The following MALT1 variants were observed in gnomAD, a reference collection of about 807,000 sequenced individuals.
MALT1 encodes mucosa-associated lymphoid tissue lymphoma translocation protein 1.
A neutral mutation model predicts 85.5 loss-of-function variants in MALT1; 36 were observed. The ratio of observed to expected loss-of-function variants is 0.42; its 90% CI spans 0.32 to 0.56. The LOEUF (loss-of-function observed/expected upper bound fraction) is 0.56. MALT1 is among the 20% of genes least tolerant of loss of function. The pLI is 0.10. For missense variants in MALT1, 716 were observed against 981.6 expected, an observed-to-expected ratio of 0.73 and a Z score of 3.62; for synonymous variants, 359 against 361.3, an observed-to-expected ratio of 0.99 and a Z score of 0.07.
At chr18:58,710,827 T>G (rs574455901) in intron 6 of MALT1, 94 bp from the exon 7 acceptor site, 3 of 570,778 alleles carry the variant, frequency 5.3e-6, no homozygotes, top group Non-Finnish European at 8.2e-6. Context: ...TTTGCCAACA[T>G]TATCTCTATG....
chr18:58,696,885 C>T (rs1360669524), intron 3 of MALT1, among the ~76,000 whole-genome samples: 1 of 152,190 alleles, frequency 6.6e-6, no homozygotes, highest in Non-Finnish European at 1.5e-5. Context: ...AAGAATTCCA[C>T]ATCACTGTTT....
Position 58,752,616 on chromosome 18 carries a change from C to CAAAAAAAAAA in MALT1, c.*4786_*4795dup, listed in dbSNP as rs34321301. ...CAACATGGTGAAACCCCATCTCTAC[C>CAAAAAAAAAA]AAAAAAAAAAAAAAAAAAAAAGCAA... is the stretch of plus-strand genomic sequence containing the variant. On this transcript the variant is annotated 3_prime_UTR_variant, in exon 17 of 17. Transcript: ENST00000649217. The CAAAAAAAAAA allele has an allele frequency of 9.1e-6, 1 of 109,590 alleles. No homozygotes were observed. The highest frequency in any genetic ancestry group is 3.2e-5 in the African/African-American group (1 of 31,222). 6.8% of individuals were successfully genotyped at this position (109,590 alleles called of 1,614,324 possible). A position where few individuals can be genotyped will look rare whatever the true frequency, so the allele number is the denominator to read the frequency against.
At chr18:58,738,597 A>G (rs10469213) in intron 13 of MALT1, among the ~76,000 whole-genome samples, 27,401 of 152,102 alleles carry the variant, frequency 0.18, 3,218 homozygotes, top group African/African-American at 0.33. Flanking sequence ...CCGAGTCTAC[A>G]CTTAACCCTA....
In MALT1 at chr18:58,753,922, TC is replaced by T. The variant is rs1019914787; in HGVS notation, c.*6081del. ...AATCTGAAGTAATTCCCACTTTTTTTCATGCTTGAGTTTAGTTGATAAATAG... is the reference window on the plus strand; with the variant it reads ...AATCTGAAGTAATTCCCACTTTTTTTATGCTTGAGTTTAGTTGATAAATAG... On this transcript the variant is annotated 3_prime_UTR_variant, in exon 17 of 17. Coordinates refer to ENST00000649217, the MANE Select transcript of MALT1 (RefSeq NM_006785.4). 60 of 152,366 alleles carry T rather than the reference TC, an allele frequency of 3.9e-4. 1 individual carries two copies. Among genetic ancestry groups the T allele is most frequent in the Middle Eastern group, 3.4e-3 (1 of 294 alleles). 9.4% of individuals were successfully genotyped at this position (152,366 alleles called of 1,614,324 possible). A position where few individuals can be genotyped will look rare whatever the true frequency, so the allele number is the denominator to read the frequency against.
chr18:58,691,473 T>C (rs919434315), intron 2 of MALT1: 1 of 273,646 alleles, frequency 3.7e-6, no homozygotes, highest in Non-Finnish European at 7.1e-6. Context: ...GGTGTTACAG[T>C]AGAACACCAC....
intron 8 of MALT1, among the ~76,000 whole-genome samples, chr18:58,715,157 T>C (rs538275357): frequency 6.6e-6 from 1 of 152,296 alleles, no homozygotes; most frequent in East Asian, 1.9e-4. Context: ...TGGGGGAGAA[T>C]AGGGGGTCTG....
chr18:58,715,765 G>A (rs1477301743), intron 8 of MALT1, among the ~76,000 whole-genome samples, 170 bp from the exon 9 acceptor site: 2 of 152,138 alleles, frequency 1.3e-5, no homozygotes, highest in African/African-American at 4.8e-5. Context: ...ACTTCCTATT[G>A]TGAACACCAC....
chr18:58,710,879 C>T (rs373829145), intron 6 of MALT1, 42 bp from the exon 7 acceptor site: 2 of 1,424,808 alleles, frequency 1.4e-6, no homozygotes, highest in Non-Finnish European at 9.8e-7. Context: ...TTCTTAAGAT[C>T]ATGAATTACA....
chr18:58,679,640 G>A (rs1309492449), intron 1 of MALT1, among the ~76,000 whole-genome samples: 3 of 152,086 alleles, frequency 2.0e-5, no homozygotes, highest in African/African-American at 4.8e-5. Flanking sequence ...TGCAATCTCC[G>A]CCTCCTGGGT....
chr18:58,711,411 AC>A (rs2054829335), intron 7 of MALT1, among the ~76,000 whole-genome samples: 1 of 152,168 alleles, frequency 6.6e-6, no homozygotes, highest in Non-Finnish European at 1.5e-5. Flanking sequence ...TTATTGTTTA[AC>A]ATATGTTCTA....
chr18:58,733,976 T>G (rs1314921005), intron 11 of MALT1: 5 of 1,160,968 alleles, frequency 4.3e-6, no homozygotes, highest in African/African-American at 1.6e-5. Flanking sequence ...AGCAGATGTT[T>G]GGAGGTTTGG....
intron 7 of MALT1, 71 bp downstream of exon 7, chr18:58,711,024 T>C (rs1274989121): frequency 4.4e-5 from 48 of 1,090,020 alleles, no homozygotes; most frequent in Non-Finnish European, 6.2e-5. Context: ...TGGAGTGCTT[T>C]TAGCCTACTG....
chr18:58,752,659 G>A lies in MALT1; in HGVS notation c.*4817G>A, dbSNP rs1465248454. ...AAAAGCAAAAACAAAAATTAACTGGGCATAGTTGCACACACCTGTAGTCCC... is the reference window on the plus strand; with the variant it reads ...AAAAGCAAAAACAAAAATTAACTGGACATAGTTGCACACACCTGTAGTCCC... On this transcript the variant is annotated 3_prime_UTR_variant, in exon 17 of 17. Coordinates refer to ENST00000649217, the MANE Select transcript of MALT1 (RefSeq NM_006785.4). 6.6e-6 allele frequency: 1 copy of A among 151,332 alleles called. No individual in the cohort carries two copies. The highest frequency in any genetic ancestry group is 1.5e-5 in the Non-Finnish European group (1 of 67,952). The allele number at this position is 151,332 out of a possible 1,614,324, so 9.4% of individuals were successfully genotyped here.
intron 10 of MALT1, among the ~76,000 whole-genome samples, chr18:58,725,815 C>T (rs963805223): frequency 1.3e-5 from 2 of 152,146 alleles, no homozygotes; most frequent in African/African-American, 4.8e-5. Context: ...AATCCCAGCA[C>T]TTTGGGAGGC....
chr18:58,717,746 CAAAAAA>C (rs35207196), intron 9 of MALT1, among the ~76,000 whole-genome samples: 1 of 100,568 alleles, frequency 9.9e-6, no homozygotes, highest in South Asian at 3.3e-4. Flanking sequence ...ACTCTTGTCT[CAAAAAA>C]AAAAAAAAAA....
chr18:58,752,514 C>T lies in MALT1; in HGVS notation c.*4672C>T, dbSNP rs1192200493. The T allele has an allele frequency of 6.6e-6, 1 of 151,158 alleles. No homozygotes were observed. Among genetic ancestry groups the T allele is most frequent in the African/African-American group, 2.4e-5 (1 of 41,056 alleles). 9.4% of individuals were successfully genotyped at this position (151,158 alleles called of 1,614,324 possible). The stretch of plus-strand genomic sequence containing the variant: ...CACTGAAACCCTGGGCATGGTGGCT[C>T]ACACCTGTAATCCCAGCACTTCGGG... On this transcript the variant is annotated 3_prime_UTR_variant, in exon 17 of 17. Transcript: ENST00000649217.
At chr18:58,674,053 G>T (rs144850006) in intron 1 of MALT1, 13 of 152,204 alleles carry the variant, frequency 8.5e-5, no homozygotes, top group African/African-American at 2.7e-4. Context: ...GAGTATTACG[G>T]TGCTAACGAG....
intron 10 of MALT1, among the ~76,000 whole-genome samples, chr18:58,723,761 T>C (rs2055016502): frequency 6.6e-6 from 1 of 152,224 alleles, no homozygotes; most frequent in South Asian, 2.1e-4. Flanking sequence ...ATTTGTAAAT[T>C]AAAGTTCTAT....
intron 1 of MALT1, among the ~76,000 whole-genome samples, chr18:58,679,332 T>C (rs371984094): frequency 2.0e-5 from 3 of 152,260 alleles, no homozygotes; most frequent in African/African-American, 7.2e-5. Context: ...ACTATTTCCA[T>C]AGAGGGCCCA....
Sources: allele counts gnomAD v4.1 joint callset (sites outside exome capture counted in the v4.1 genomes callset), GRCh38; gene constraint gnomAD v4.1.1; transcripts MANE v1.5; gene names NCBI Gene and HGNC (gene_info 2026-07-23, HGNC 2026-07-21).